The following EXOC1 variants were observed in gnomAD, a reference collection of about 807,000 sequenced individuals.
EXOC1 encodes the protein exocyst complex component 1.
Under a neutral mutation model 107.7 loss-of-function variants are expected in EXOC1, and 67 were observed. The ratio of observed to expected loss-of-function variants is 0.62; its 90% CI spans 0.51 to 0.76. The LOEUF (loss-of-function observed/expected upper bound fraction) is 0.76, where lower values mean the gene tolerates loss of function less well. Ranked by LOEUF, EXOC1 falls within the 30% of genes least tolerant of loss-of-function variation. The pLI is 0.00. For synonymous variants in EXOC1, 348 were observed against 353.5 expected (o/e 0.98, Z 0.17); for missense variants, 833 against 1,055.7 (o/e 0.79, Z 2.92).
In EXOC1 at chr4:55,857,400, C is replaced by A. The variant is rs183796574; in HGVS notation, c.-10-914C>A. Among the ~76,000 whole-genome samples, 587 of 151,844 alleles carry A rather than the reference C, an allele frequency of 3.9e-3. 5 individuals are homozygous for A. The highest frequency in any genetic ancestry group is 0.021 in the Middle Eastern group (6 of 292). On this transcript the variant is annotated intron_variant, in intron 1 of 18. Coordinates refer to ENST00000381295, the MANE Select transcript of EXOC1 (RefSeq NM_001024924.2). ...TTTCACCGTGGTCTCGATCTCCTGA[C>A]CTCTTGATCCGCCCGCCTCGGCCTC...
At chr4:55,883,149 T>C (rs1021822710) in intron 9 of EXOC1, 3 of 152,188 alleles carry the variant, frequency 2.0e-5, no homozygotes, top group Non-Finnish European at 4.4e-5. Context: ...GATATACTAA[T>C]GAAGTTCTTA....
At chr4:55,884,010 A>T (rs1723646685) in intron 10 of EXOC1, 82 bp downstream of exon 10, 1 of 979,808 alleles carries the variant, frequency 1.0e-6, no homozygotes, top group African/African-American at 1.7e-5. Context: ...CTTCTTAAGC[A>T]AGGTGGAGGT....
intron 16 of EXOC1, 66 bp from the exon 17 acceptor site, chr4:55,899,619 A>T: frequency 7.2e-7 from 1 of 1,397,436 alleles, no homozygotes; most frequent in South Asian, 1.3e-5. Context: ...TTAATAGTAT[A>T]AATGTTTATA....
At chr4:55,895,405 A>G (rs926660088) in intron 15 of EXOC1, among the ~76,000 whole-genome samples, 4 of 152,218 alleles carry the variant, frequency 2.6e-5, no homozygotes, top group African/African-American at 4.8e-5. Flanking sequence ...AGTACCTGCA[A>G]TCTTACCACT....
intron 5 of EXOC1, 30 bp from the exon 6 acceptor site, chr4:55,870,648 G>GTTTA (rs750269553): frequency 2.7e-5 from 42 of 1,553,530 alleles, no homozygotes; most frequent in Non-Finnish European, 3.7e-5. Context: ...TTGTTTGTTT[G>GTTTA]TTTGTTTGTT....
chr4:55,863,860 A>C (rs1056944956), intron 3 of EXOC1, among the ~76,000 whole-genome samples: 2 of 152,206 alleles, frequency 1.3e-5, no homozygotes, highest in Admixed American at 1.3e-4. Flanking sequence ...GAAAATGTAT[A>C]ACTAAAACTC....
At chr4:55,885,488 G>C (rs1723787188) in intron 10 of EXOC1, 1 of 152,112 alleles carries the variant, frequency 6.6e-6, no homozygotes, top group Non-Finnish European at 1.5e-5. Context: ...TTAAAAGGTA[G>C]TTTTGTAGTT....
At chr4:55,857,758 C>A (rs900213484) in intron 1 of EXOC1, among the ~76,000 whole-genome samples, 1 of 152,168 alleles carries the variant, frequency 6.6e-6, no homozygotes, top group Non-Finnish European at 1.5e-5. Flanking sequence ...TATGAGAGTT[C>A]TGTTTCCTCT....
chr4:55,888,241 A>G (rs754370499), intron 10 of EXOC1, among the ~76,000 whole-genome samples: 5 of 152,174 alleles, frequency 3.3e-5, no homozygotes, highest in Non-Finnish European at 7.3e-5. Flanking sequence ...CTTATATTAC[A>G]TCTGTTCCCT....
intron 1 of EXOC1, among the ~76,000 whole-genome samples, chr4:55,855,916 G>T (rs1320018585): frequency 1.3e-5 from 2 of 152,208 alleles, no homozygotes; most frequent in African/African-American, 4.8e-5. Context: ...GGGTGAAGGT[G>T]TGGAGAGACG....
chr4:55,872,789 C>T (rs536208678), intron 8 of EXOC1: 15 of 980,698 alleles, frequency 1.5e-5, no homozygotes, highest in East Asian at 2.3e-4. Flanking sequence ...TATAACAGGT[C>T]CTACTTTCTT....
At chr4:55,879,632 A>C (rs1723203252) in intron 9 of EXOC1, among the ~76,000 whole-genome samples, 1 of 152,328 alleles carries the variant, frequency 6.6e-6, no homozygotes, top group East Asian at 1.9e-4. Flanking sequence ...CCATAGGGAC[A>C]GTCCTTTTCT....
intron 8 of EXOC1, among the ~76,000 whole-genome samples, chr4:55,873,427 A>G (rs890549241): frequency 1.3e-5 from 2 of 152,312 alleles, no homozygotes; most frequent in East Asian, 1.9e-4. Flanking sequence ...ATCTATTTCT[A>G]TACAATTCCT....
intron 15 of EXOC1, among the ~76,000 whole-genome samples, chr4:55,894,433 G>C (rs1437722374): frequency 2.0e-5 from 3 of 151,178 alleles, no homozygotes; most frequent in Non-Finnish European, 4.4e-5. Context: ...TATTGTTATT[G>C]TTCTTCTTTT....
At chr4:55,871,478 A>G (rs569135377) in intron 7 of EXOC1, among the ~76,000 whole-genome samples, 1 of 152,274 alleles carries the variant, frequency 6.6e-6, no homozygotes, top group South Asian at 2.1e-4. Context: ...AGTACTATCC[A>G]CAGAACCCAG....
intron 15 of EXOC1, among the ~76,000 whole-genome samples, 196 bp downstream of exon 15, chr4:55,893,976 C>G (rs1724884873): frequency 6.6e-6 from 1 of 152,108 alleles, no homozygotes; most frequent in Non-Finnish European, 1.5e-5. Context: ...CCATTCCACA[C>G]TGTGAATCTT....
At chr4:55,900,854 G>A (rs1201740833) in intron 17 of EXOC1, among the ~76,000 whole-genome samples, 28 of 152,018 alleles carry the variant, frequency 1.8e-4, no homozygotes, top group Admixed American at 1.8e-3. Context: ...CTCCAGCCTG[G>A]GCGACAGAGC....
At chr4:55,857,217 C>G (rs1721075443) in intron 1 of EXOC1, among the ~76,000 whole-genome samples, 1 of 95,386 alleles carries the variant, frequency 1.0e-5, no homozygotes, top group Non-Finnish European at 1.9e-5. Flanking sequence ...CTGGCTCTGT[C>G]TCCCAGGCTG....
At chr4:55,863,676 T>G (rs1207766540) in intron 3 of EXOC1, among the ~76,000 whole-genome samples, 1 of 152,206 alleles carries the variant, frequency 6.6e-6, no homozygotes, top group Non-Finnish European at 1.5e-5. Flanking sequence ...TAATCATTCC[T>G]TATTTTCAAA....
Sources: allele counts gnomAD v4.1 joint callset (sites outside exome capture counted in the v4.1 genomes callset), GRCh38; gene constraint gnomAD v4.1.1; transcripts MANE v1.5; gene names NCBI Gene and HGNC (gene_info 2026-07-23, HGNC 2026-07-21).